DLGAP1: variants seen among roughly 807,000 people sequenced by gnomAD.
DLGAP1 encodes the protein DLG associated protein 1, also known as disks large-associated protein 1.
In DLGAP1, 11 loss-of-function variants were observed where a neutral mutation model predicts 90.8. That is an observed-to-expected ratio of 0.12 (90% confidence interval 0.08 to 0.20). DLGAP1 has a LOEUF of 0.20. Among genes scored for constraint, DLGAP1 ranks in the 10% least tolerant of loss-of-function variants. The probability of loss-of-function intolerance (pLI) is 1.00; values close to 1 mark genes in which losing one functional copy is unlikely to be tolerated. For missense variants in DLGAP1, 1,050 were observed against 1,333.8 expected (o/e 0.79, Z 3.31); for synonymous variants, 558 against 540.7 (o/e 1.03, Z -0.44).
At chr18:4,376,503 T>C (rs1283445899) in intron 1 of DLGAP1, among the ~76,000 whole-genome samples, 10 of 152,182 alleles carry the variant, frequency 6.6e-5, no homozygotes, top group Admixed American at 1.3e-4. Flanking sequence ...CCACAGATAA[T>C]AGGCATCCTA....
rs148462442 is a variant in DLGAP1 at position 3,597,179 on chromosome 18, G to T, written c.1592-14931C>A. ...TACTCTGTCTGTTTGCACACAGATG[G>T]ATATCTGAGAGCCAGCGAACTTTCT... is the stretch of plus-strand genomic sequence containing the variant. On this transcript the variant is annotated intron_variant, in intron 7 of 12. Transcript: ENST00000315677. 11 of 519,300 alleles carry T rather than the reference G, an allele frequency of 2.1e-5. No individual in the cohort carries two copies. The East Asian group carries it at 6.0e-4, about 28-fold the overall frequency. The allele number at this position is 519,300 out of a possible 1,614,324, so 32.2% of individuals were successfully genotyped here. A position where few individuals can be genotyped will look rare whatever the true frequency, so the allele number is the denominator to read the frequency against.
At chr18:3,673,412 A>C (rs527652514) in intron 7 of DLGAP1, among the ~76,000 whole-genome samples, 1 of 152,332 alleles carries the variant, frequency 6.6e-6, no homozygotes, top group East Asian at 1.9e-4. Flanking sequence ...GTTATCGTGT[A>C]CTGTCACTCT....
intron 4 of DLGAP1, among the ~76,000 whole-genome samples, chr18:3,833,174 C>CAGA (rs2068140987): frequency 1.3e-4 from 1 of 7,900 alleles, no homozygotes; most frequent in African/African-American, 3.0e-4. Flanking sequence ...TCCTTCCTTC[C>CAGA]TTCCTTCCTT....
chr18:3,740,986 C>T (rs1346395731), intron 6 of DLGAP1, among the ~76,000 whole-genome samples: 2 of 142,394 alleles, frequency 1.4e-5, no homozygotes. Context: ...TCACCACCAC[C>T]ACCACCATCA....
chr18:3,504,430 G>A (rs927091404), intron 11 of DLGAP1, among the ~76,000 whole-genome samples: 35 of 152,024 alleles, frequency 2.3e-4, no homozygotes, highest in African/African-American at 5.3e-4. Flanking sequence ...TGTCGCCCAC[G>A]CTGGAGTGCA....
intron 1 of DLGAP1, among the ~76,000 whole-genome samples, chr18:4,220,743 C>G (rs2144967159): frequency 6.6e-6 from 1 of 152,188 alleles, no homozygotes; most frequent in East Asian, 1.9e-4. Flanking sequence ...ACAAATCTAT[C>G]TAGATGAACT....
Position 3,814,042 on chromosome 18 carries a change from G to C in DLGAP1, c.1172+17C>G. ...AAGCACCTGGACTATCGCAAGTGCA[G>C]GGTTAGGACTACTCACTTGAGTGTG... On this transcript the variant is annotated intron_variant, in intron 5 of 12. Coordinates refer to ENST00000315677, the MANE Select transcript of DLGAP1 (RefSeq NM_004746.4). The C allele has an allele frequency of 6.2e-7, 1 of 1,612,502 alleles. No individual in the cohort carries two copies. The highest frequency in any genetic ancestry group is 8.5e-7 in the Non-Finnish European group (1 of 1,178,838).
At chr18:4,441,122 T>C (rs571305203) in intron 1 of DLGAP1, among the ~76,000 whole-genome samples, 5 of 152,358 alleles carry the variant, frequency 3.3e-5, no homozygotes, top group African/African-American at 1.2e-4. Flanking sequence ...GCTTGTTCAT[T>C]GCGTTCTCTA....
chr18:3,521,416 T>C (rs2051179825), intron 10 of DLGAP1, among the ~76,000 whole-genome samples: 2 of 152,332 alleles, frequency 1.3e-5, no homozygotes, highest in South Asian at 4.1e-4. Context: ...GTCCAGTTTC[T>C]CTCTGCTGAC....
At chr18:3,939,815 A>T (rs2148945951) in intron 3 of DLGAP1, among the ~76,000 whole-genome samples, 1 of 152,316 alleles carries the variant, frequency 6.6e-6, no homozygotes, top group African/African-American at 2.4e-5. Flanking sequence ...TGAGGCTCAA[A>T]CACAAAGAAA....
intron 1 of DLGAP1, among the ~76,000 whole-genome samples, chr18:4,254,337 C>A (rs184031168): frequency 6.6e-6 from 1 of 152,130 alleles, no homozygotes; most frequent in African/African-American, 2.4e-5. Context: ...ATGGACCAAC[C>A]GGTCCAATCT....
chr18:3,682,135 A>AT (rs57477447), intron 7 of DLGAP1, among the ~76,000 whole-genome samples: 47,133 of 147,634 alleles, frequency 0.32, 10,222 homozygotes, highest in African/African-American at 0.61. Flanking sequence ...AAAAAATAAA[A>AT]AAAAATAAAA....
intron 7 of DLGAP1, among the ~76,000 whole-genome samples, chr18:3,615,706 G>C (rs2057833735): frequency 6.6e-6 from 1 of 152,092 alleles, no homozygotes. Flanking sequence ...GTCTCTGTAG[G>C]CAACTGGAGA....
In DLGAP1 at chr18:3,874,326, G is replaced by A. The variant is rs941861116; in HGVS notation, c.957+4786C>T. 56 of 1,524,852 alleles carry A rather than the reference G, an allele frequency of 3.7e-5. No individual in the cohort carries two copies. The East Asian group carries it at 1.3e-3, about 34-fold the overall frequency. 94.5% of individuals were successfully genotyped at this position (1,524,852 alleles called of 1,614,324 possible). A position where few individuals can be genotyped will look rare whatever the true frequency, so the allele number is the denominator to read the frequency against. On this transcript the variant is annotated intron_variant, in intron 4 of 12. Transcript: ENST00000315677. Reference sequence around the variant, plus strand: ...CTGTCTCTCTCTCTCCACTTCTACCGCGGAGAGAGCGTTTTGTTTCCCTTT... The same window carrying A: ...CTGTCTCTCTCTCTCCACTTCTACCACGGAGAGAGCGTTTTGTTTCCCTTT...
At chr18:3,928,490 T>C (rs950315057) in intron 3 of DLGAP1, among the ~76,000 whole-genome samples, 1 of 152,238 alleles carries the variant, frequency 6.6e-6, no homozygotes, top group East Asian at 1.9e-4. Flanking sequence ...GAAGAAAATA[T>C]ACTAATAATT....
At chr18:3,863,916 T>G (rs1454255512) in intron 4 of DLGAP1, among the ~76,000 whole-genome samples, 1 of 152,236 alleles carries the variant, frequency 6.6e-6, no homozygotes, top group Non-Finnish European at 1.5e-5. Flanking sequence ...AGACCATATC[T>G]TCCATCTTTG....
intron 10 of DLGAP1, among the ~76,000 whole-genome samples, chr18:3,516,565 C>T (rs558106403): frequency 2.4e-4 from 37 of 152,248 alleles, no homozygotes; most frequent in East Asian, 5.8e-4. Context: ...TCTGTTTTCA[C>T]GCTACTGATA....
At chr18:3,928,326 C>T (rs4798146) in intron 3 of DLGAP1, among the ~76,000 whole-genome samples, 111,190 of 152,108 alleles carry the variant, frequency 0.73, 40,951 homozygotes, top group African/African-American at 0.83. Flanking sequence ...AAGTCTTTTC[C>T]TGGAAGAGCA....
chr18:4,363,902 C>T (rs1280087182), intron 1 of DLGAP1, among the ~76,000 whole-genome samples: 1 of 152,090 alleles, frequency 6.6e-6, no homozygotes, highest in East Asian at 1.9e-4. Context: ...CATCCCATTA[C>T]TGGGTATATA....
Sources: gnomAD v4.1 joint callset for allele counts (sites outside exome capture counted in the v4.1 genomes callset) on GRCh38, gnomAD v4.1.1 for gene constraint, MANE v1.5 for transcripts, NCBI Gene and HGNC (gene_info 2026-07-23, HGNC 2026-07-21) for gene names.